OTULIN: variants seen among roughly 807,000 people sequenced by gnomAD.
The protein encoded by OTULIN is OTU deubiquitinase with linear linkage specificity, also known as ubiquitin thioesterase otulin.
OTULIN carries 15 observed loss-of-function variants against 39.6 expected under a neutral mutation model. The observed-to-expected ratio is 0.38, with a 90% CI of 0.25 to 0.58. OTULIN has a LOEUF of 0.58. Among genes scored for constraint, OTULIN ranks in the 20% least tolerant of loss-of-function variants. The pLI is 0.66. For synonymous variants in OTULIN, 156 were observed against 170.3 expected (o/e 0.92, Z 0.65); for missense variants, 319 against 445.9 (o/e 0.72, Z 2.56).
intron 1 of OTULIN, among the ~76,000 whole-genome samples, chr5:14,668,713 C>T (rs1735910726): frequency 6.6e-6 from 1 of 152,162 alleles, no homozygotes; most frequent in South Asian, 2.1e-4. Flanking sequence ...TTAAAAAGTT[C>T]ATAATGGTGA....
downstream of OTULIN, among the ~76,000 whole-genome samples, chr5:14,702,976 C>T (rs1037127561): frequency 6.6e-6 from 1 of 152,132 alleles, no homozygotes; most frequent in African/African-American, 2.4e-5. Flanking sequence ...TTAGCAGACA[C>T]GGCACCTCCG....
chr5:14,670,463 CTCTCTT>C (rs1401434896), intron 1 of OTULIN, among the ~76,000 whole-genome samples: 1 of 152,042 alleles, frequency 6.6e-6, no homozygotes, highest in Non-Finnish European at 1.5e-5. Flanking sequence ...CTGTTTCTTC[CTCTCTT>C]TCTGTTTGCT....
downstream of OTULIN, among the ~76,000 whole-genome samples, chr5:14,702,492 T>A (rs2126364971): frequency 6.6e-6 from 1 of 152,246 alleles, no homozygotes; most frequent in Admixed American, 6.5e-5. Context: ...TGCCAGCCAT[T>A]TGTATACTTT....
the OTULIN span, chr5:14,713,404 G>C: frequency 7.9e-7 from 1 of 1,258,736 alleles, no homozygotes; most frequent in East Asian, 2.5e-5. This position sits in a 1 kb window ranked among gnomAD's most constrained non-coding sequence, Gnocchi z 4.4. Flanking sequence ...TGGTGCCTGG[G>C]CAGACACACA....
the OTULIN span, chr5:14,711,414 G>A: frequency 1.0e-6 from 1 of 963,178 alleles, no homozygotes; most frequent in Admixed American, 1.7e-5. Context: ...ACCCCTCACT[G>A]TAGGCTTAAA....
intron 2 of OTULIN, among the ~76,000 whole-genome samples, chr5:14,675,410 G>C (rs1425498655): frequency 6.6e-6 from 1 of 152,178 alleles, no homozygotes; most frequent in African/African-American, 2.4e-5. Context: ...CTTCACTGTG[G>C]TAGCCACAGG....
chr5:14,678,876 C>A (rs1375478043), intron 3 of OTULIN, 101 bp downstream of exon 3: 4 of 688,388 alleles, frequency 5.8e-6, no homozygotes, highest in East Asian at 6.0e-5. Flanking sequence ...AAAATGACTG[C>A]TATAGACGTT....
rs1028761667 is a variant in OTULIN at position 14,690,837 on chromosome 5, T to C, written c.864+529T>C. On this transcript the variant is annotated intron_variant, in intron 6 of 6. Coordinates refer to ENST00000284274, the MANE Select transcript of OTULIN (RefSeq NM_138348.6). This position sits in a 1 kb window ranked among gnomAD's most constrained non-coding sequence, Gnocchi z 4.5. ...AAAGAATTGTGGACATACTTTACAG[T>C]CACCACCGTTATCTCAGCCTGGGCT... 6.6e-6 allele frequency among the ~76,000 whole-genome samples: 1 copy of C among 152,170 alleles called. No homozygotes were observed. Among genetic ancestry groups the C allele is most frequent in the African/African-American group, 2.4e-5 (1 of 41,438 alleles).
intron 1 of OTULIN, among the ~76,000 whole-genome samples, chr5:14,670,294 C>A (rs925816108): frequency 1.3e-5 from 2 of 152,206 alleles, no homozygotes; most frequent in African/African-American, 4.8e-5. Context: ...CATCCCATAA[C>A]AAAAACGTAA....
downstream of OTULIN, among the ~76,000 whole-genome samples, chr5:14,701,132 A>G (rs1238514780): frequency 6.6e-6 from 1 of 152,154 alleles, no homozygotes; most frequent in Non-Finnish European, 1.5e-5. Flanking sequence ...TACTTTCAGG[A>G]ATCTTTGAGG....
At chr5:14,713,334 T>C in the OTULIN span, among the ~76,000 whole-genome samples, 19 of 152,306 alleles carry the variant, frequency 1.2e-4, no homozygotes, top group South Asian at 3.7e-3. This position sits in a 1 kb window ranked among gnomAD's most constrained non-coding sequence, Gnocchi z 4.4. Flanking sequence ...GTGGCTATTA[T>C]TCGTGTCTGG....
rs374494374 is a variant in OTULIN at position 14,667,285 on chromosome 5, G to A, written c.152+2308G>A. On this transcript the variant is annotated intron_variant, in intron 1 of 6. Coordinates refer to ENST00000284274, the MANE Select transcript of OTULIN (RefSeq NM_138348.6). ...GCTTATTTCCTAGGTAGCACACTAG[G>A]TTACTCTTGATTCCTTTCCACTAAG... is the stretch of plus-strand genomic sequence containing the variant. Among the ~76,000 whole-genome samples the A allele has an allele frequency of 6.6e-5, 10 of 152,354 alleles. No homozygotes were observed. In the East Asian group the frequency reaches 1.2e-3, roughly 18 times the overall value.
At chr5:14,667,249 A>G (rs538733469) in intron 1 of OTULIN, among the ~76,000 whole-genome samples, 3 of 152,364 alleles carry the variant, frequency 2.0e-5, no homozygotes, top group Non-Finnish European at 4.4e-5. Context: ...TGACGAGTAG[A>G]GAAAGAGATG....
chr5:14,696,375 A>G lies in OTULIN; in HGVS notation c.*3327A>G, dbSNP rs529671083. ...TTGCAGGTACTCCCCTTTGAAAGCC[A>G]GAAGCATAAACCATTGGGGAATCTT... is the stretch of plus-strand genomic sequence containing the variant. On this transcript the variant is annotated 3_prime_UTR_variant, in exon 7 of 7. Transcript: ENST00000284274. 4.6e-5 allele frequency: 7 copies of G among 152,378 alleles called. No individual in the cohort carries two copies. Among genetic ancestry groups the G allele is most frequent in the African/African-American group, 1.7e-4 (7 of 41,588 alleles). 9.4% of individuals were successfully genotyped at this position (152,378 alleles called of 1,614,324 possible). A position where few individuals can be genotyped will look rare whatever the true frequency, so the allele number is the denominator to read the frequency against.
intron 1 of OTULIN, among the ~76,000 whole-genome samples, chr5:14,670,483 C>G (rs1352106122): frequency 6.6e-6 from 1 of 152,148 alleles, no homozygotes; most frequent in East Asian, 1.9e-4. Context: ...GTTTGCTTAT[C>G]TTTCTATTAG....
the OTULIN span, chr5:14,713,499 G>A: frequency 2.0e-5 from 32 of 1,611,804 alleles, no homozygotes; most frequent in Non-Finnish European, 2.6e-5. The surrounding 1 kb of genome is among the most constrained non-coding windows in gnomAD (Gnocchi z 4.4). Context: ...ACACAGTATT[G>A]AAGTGGCAGA....
chr5:14,711,006 A>G, the OTULIN span: 3 of 629,050 alleles, frequency 4.8e-6, no homozygotes, highest in Non-Finnish European at 8.6e-6. Context: ...AAGACCATTC[A>G]CTAGGTCCCC....
chr5:14,671,993 A>T (rs923643253), intron 1 of OTULIN, among the ~76,000 whole-genome samples: 3 of 152,170 alleles, frequency 2.0e-5, no homozygotes, highest in African/African-American at 7.2e-5. Flanking sequence ...TTATACATAC[A>T]GCTAATAAGG....
chr5:14,683,333 T>A (rs907789896), intron 4 of OTULIN, among the ~76,000 whole-genome samples: 5 of 152,162 alleles, frequency 3.3e-5, no homozygotes, highest in African/African-American at 1.2e-4. Flanking sequence ...CTTAAGCCGA[T>A]TTTTCAGTAT....
Sources: allele counts gnomAD v4.1 joint callset (sites outside exome capture counted in the v4.1 genomes callset), GRCh38; gene constraint gnomAD v4.1.1; non-coding constraint Gnocchi (gnomAD v3.1); transcripts MANE v1.5; gene names NCBI Gene and HGNC (gene_info 2026-07-23, HGNC 2026-07-21).